The following AFF3 variants were observed in gnomAD, a reference collection of about 807,000 sequenced individuals.
AFF3 encodes ALF transcription elongation factor 3, also known as AF4/FMR2 family member 3.
Under a neutral mutation model 129.7 loss-of-function variants are expected in AFF3, and 32 were observed. The observed-to-expected ratio is 0.25, with a 90% confidence interval of 0.19 to 0.33. The LOEUF is 0.33. Among genes scored for constraint, AFF3 ranks in the 10% least tolerant of loss-of-function variants. AFF3 has a pLI of 1.00. For missense variants in AFF3, 1,373 were observed against 1,592.0 expected (o/e 0.86, Z 2.34); for synonymous variants, 644 against 635.4 (o/e 1.01, Z -0.20).
intron 7 of AFF3, among the ~76,000 whole-genome samples, chr2:99,907,046 G>C (rs56057410): frequency 6.6e-6 from 1 of 152,016 alleles, no homozygotes; most frequent in African/African-American, 2.4e-5. Flanking sequence ...CTACATGCCA[G>C]GCAATTACTG....
At chr2:99,719,042 C>T (rs750439645) in intron 11 of AFF3, among the ~76,000 whole-genome samples, 14 of 140,434 alleles carry the variant, frequency 1.0e-4, no homozygotes, top group South Asian at 4.7e-4. Flanking sequence ...TGAGCCAACG[C>T]GCCCGGCCTT....
At chr2:99,971,137 C>T (rs1181587014) in intron 7 of AFF3, among the ~76,000 whole-genome samples, 1 of 152,190 alleles carries the variant, frequency 6.6e-6, no homozygotes, top group Non-Finnish European at 1.5e-5. Flanking sequence ...TTTGTTCTCC[C>T]TTCACCTCGG....
At position 99,582,813 on chromosome 2, in the gene AFF3, G is replaced by C; in HGVS notation, c.2778C>G (p.His926Gln). ...ATCAACAAACCGTGAGGTCTCCGCC[G>C]TGAGGCTGCAGCTGGCTGTCGGCCT... ...KPKADSQLQP[H>Q]GGDLTKAAHN... Residue 926 changes from histidine to glutamine, a missense_variant, in exon 17 of 25, where the codon CAC (histidine) becomes CAG (glutamine). Physicochemically the swap from His to Gln is conservative, Grantham distance 24 (BLOSUM62 0). This residue lies in a region of AFF3 where 466 missense variants were observed against 505.0 expected (regional missense o/e 0.92). Transcript: ENST00000672756. The C allele has an allele frequency of 6.2e-7, 1 of 1,614,184 alleles. No individual in the cohort carries two copies.
At chr2:99,875,014 T>C (rs571453865) in intron 7 of AFF3, among the ~76,000 whole-genome samples, 19 of 152,360 alleles carry the variant, frequency 1.2e-4, no homozygotes, top group Non-Finnish European at 2.5e-4. Context: ...GTAACTTTTC[T>C]GTAAGTTTGA....
At chr2:99,919,584 T>TTATTTAAAA (rs1193010036) in intron 7 of AFF3, among the ~76,000 whole-genome samples, 1 of 152,178 alleles carries the variant, frequency 6.6e-6, no homozygotes, top group African/African-American at 2.4e-5. Flanking sequence ...AAAGTCTTCA[T>TTATTTAAAA]TATTTAAAAA....
At chr2:99,989,870 T>C (rs1576492182) in intron 7 of AFF3, among the ~76,000 whole-genome samples, 3 of 152,204 alleles carry the variant, frequency 2.0e-5, no homozygotes, top group Admixed American at 6.5e-5. Flanking sequence ...CATTATCAGG[T>C]ATTAGAAAAG....
At chr2:99,831,843 G>A (rs1688536687) in intron 8 of AFF3, among the ~76,000 whole-genome samples, 1 of 152,168 alleles carries the variant, frequency 6.6e-6, no homozygotes, top group Non-Finnish European at 1.5e-5. Context: ...CTACCCTCTT[G>A]TTTTGTGTTG....
At chr2:99,732,996 A>T (rs1186941871) in intron 10 of AFF3, among the ~76,000 whole-genome samples, 3 of 152,174 alleles carry the variant, frequency 2.0e-5, no homozygotes, top group African/African-American at 7.2e-5. Flanking sequence ...ATTTTTTAGT[A>T]TTAATTTCTT....
intron 12 of AFF3, among the ~76,000 whole-genome samples, chr2:99,670,573 C>T (rs969480797): frequency 2.6e-5 from 4 of 151,906 alleles, no homozygotes; most frequent in Non-Finnish European, 2.9e-5. Context: ...ACCGGCTATG[C>T]TGCTTCCGGG....
chr2:100,098,655 A>G (rs1439870604), intron 4 of AFF3, among the ~76,000 whole-genome samples: 7 of 130,658 alleles, frequency 5.4e-5, no homozygotes, highest in Admixed American at 1.5e-4. Context: ...ATTTCCCCAC[A>G]CACAATACTC....
At chr2:99,632,080 A>C (rs1319303752) in intron 13 of AFF3, among the ~76,000 whole-genome samples, 1 of 124,172 alleles carries the variant, frequency 8.1e-6, no homozygotes, top group African/African-American at 3.1e-5. Flanking sequence ...CAATGGCGTG[A>C]TCTCAGCTCA....
chr2:99,957,899 A>C (rs956187481), intron 7 of AFF3, among the ~76,000 whole-genome samples: 2 of 152,154 alleles, frequency 1.3e-5, no homozygotes, highest in African/African-American at 4.8e-5. Flanking sequence ...ACTGGGGCTG[A>C]GGTCAGTGTG....
intron 7 of AFF3, among the ~76,000 whole-genome samples, chr2:99,901,867 C>G (rs1576313142): frequency 6.6e-6 from 1 of 152,002 alleles, no homozygotes; most frequent in African/African-American, 2.4e-5. Context: ...AGCAGAAGGC[C>G]AACTGCTTGT....
intron 7 of AFF3, among the ~76,000 whole-genome samples, chr2:99,966,509 T>C (rs1193841737): frequency 1.3e-5 from 2 of 149,764 alleles, no homozygotes; most frequent in Non-Finnish European, 3.0e-5. Context: ...GCTAAAACGG[T>C]GAAACCCCGT....
chr2:99,595,009 A>G (rs879911089), intron 14 of AFF3, among the ~76,000 whole-genome samples: 2 of 152,234 alleles, frequency 1.3e-5, no homozygotes, highest in African/African-American at 2.4e-5. Context: ...GCAACTCATG[A>G]AAGTCATTGG....
chr2:99,552,843 G>A (rs187690532), intron 24 of AFF3, among the ~76,000 whole-genome samples: 89 of 152,308 alleles, frequency 5.8e-4, no homozygotes, highest in Non-Finnish European at 9.6e-4. Flanking sequence ...AACTGGACAC[G>A]TGTATTTCTA....
intron 2 of AFF3, among the ~76,000 whole-genome samples, chr2:100,127,499 G>C (rs759496964): frequency 6.6e-6 from 1 of 152,124 alleles, no homozygotes; most frequent in Non-Finnish European, 1.5e-5. Flanking sequence ...GGTTCCTTGC[G>C]GTCACTTCCT....
intron 13 of AFF3, among the ~76,000 whole-genome samples, chr2:99,629,547 T>C (rs1049714448): frequency 1.3e-5 from 2 of 152,156 alleles, no homozygotes; most frequent in African/African-American, 4.8e-5. Context: ...ACATAGACCC[T>C]CCGACTGTAC....
At chr2:100,135,486 C>T (rs1692599562) in intron 1 of AFF3, among the ~76,000 whole-genome samples, 1 of 152,128 alleles carries the variant, frequency 6.6e-6, no homozygotes, top group African/African-American at 2.4e-5. Flanking sequence ...GTGAGAAGCC[C>T]AAGGCACAGG....
Sources: allele counts gnomAD v4.1 joint callset (sites outside exome capture counted in the v4.1 genomes callset), GRCh38; gene constraint gnomAD v4.1.1; regional missense constraint gnomAD v4.1.1; transcripts MANE v1.5; gene names NCBI Gene and HGNC (gene_info 2026-07-23, HGNC 2026-07-21).